MACROD2: variants seen among roughly 807,000 people sequenced by gnomAD.
The protein encoded by MACROD2 is ADP-ribose glycohydrolase MACROD2.
Under a neutral mutation model 70.4 loss-of-function variants are expected in MACROD2, and 36 were observed. The observed-to-expected ratio is 0.51, with a 90% CI of 0.39 to 0.68. The LOEUF (loss-of-function observed/expected upper bound fraction) is 0.68, where lower values mean the gene tolerates loss of function less well. Ranked by LOEUF, MACROD2 falls within the 30% of genes least tolerant of loss-of-function variation. The pLI is 0.00. For missense variants in MACROD2, 496 were observed against 538.4 expected (o/e 0.92, Z 0.78); for synonymous variants, 172 against 178.8 (o/e 0.96, Z 0.30).
chr20:14,332,838 A>C (rs2082869434), intron 3 of MACROD2, among the ~76,000 whole-genome samples: 1 of 152,122 alleles, frequency 6.6e-6, no homozygotes, highest in African/African-American at 2.4e-5. Context: ...GAGTATTAGG[A>C]AGGTAATTTA....
chr20:14,420,818 A>G (rs890532221), intron 3 of MACROD2, among the ~76,000 whole-genome samples: 2 of 152,082 alleles, frequency 1.3e-5, no homozygotes, highest in Admixed American at 1.3e-4. Context: ...CAGCCTCCCA[A>G]CTAGCTAGGA....
intron 5 of MACROD2, among the ~76,000 whole-genome samples, chr20:15,036,834 C>G (rs1440715777): frequency 6.6e-6 from 1 of 151,504 alleles, no homozygotes; most frequent in African/African-American, 2.4e-5. Flanking sequence ...CATCAAAAAC[C>G]CAAAGCGTCT....
intron 5 of MACROD2, among the ~76,000 whole-genome samples, chr20:15,133,435 GA>G (rs1375394103): frequency 6.6e-6 from 1 of 152,000 alleles, no homozygotes; most frequent in African/African-American, 2.4e-5. Flanking sequence ...GTCTCATACA[GA>G]AATAGAAGAA....
chr20:15,447,859 C>T (rs1184712640), intron 7 of MACROD2, among the ~76,000 whole-genome samples: 3 of 152,038 alleles, frequency 2.0e-5, no homozygotes, highest in Admixed American at 6.6e-5. Flanking sequence ...GAGATAGTGG[C>T]CCTGTCTCTC....
chr20:15,792,763 C>T (rs527511628), intron 8 of MACROD2, among the ~76,000 whole-genome samples: 2 of 152,218 alleles, frequency 1.3e-5, no homozygotes, highest in South Asian at 4.1e-4. Context: ...AGGTCATATG[C>T]GCAGAAGTCT....
chr20:15,322,451 A>T (rs2077883453), intron 6 of MACROD2, among the ~76,000 whole-genome samples: 1 of 144,016 alleles, frequency 6.9e-6, no homozygotes, highest in Non-Finnish European at 1.6e-5. Flanking sequence ...GCCTCAAAAT[A>T]AGACAAAATT....
intron 3 of MACROD2, among the ~76,000 whole-genome samples, chr20:14,336,473 G>A (rs1288742102): frequency 6.6e-6 from 1 of 151,952 alleles, no homozygotes; most frequent in Non-Finnish European, 1.5e-5. Flanking sequence ...AAAATTTTTT[G>A]AGAAGATACA....
intron 5 of MACROD2, among the ~76,000 whole-genome samples, chr20:14,978,657 G>C (rs998934819): frequency 7.2e-6 from 1 of 139,708 alleles, no homozygotes. Flanking sequence ...GAAGAAGGAG[G>C]AGACAATGAT....
intron 4 of MACROD2, among the ~76,000 whole-genome samples, chr20:14,534,114 A>C (rs1255984142): frequency 6.6e-6 from 1 of 152,212 alleles, no homozygotes; most frequent in Non-Finnish European, 1.5e-5. Context: ...TAAATTATTA[A>C]TTACACGTAT....
intron 3 of MACROD2, among the ~76,000 whole-genome samples, chr20:14,185,313 A>G (rs182109817): frequency 3.9e-5 from 6 of 152,288 alleles, no homozygotes; most frequent in Non-Finnish European, 7.4e-5. Context: ...ACTCTCAGAT[A>G]TTAAAATGCC....
intron 8 of MACROD2, among the ~76,000 whole-genome samples, chr20:15,771,446 G>A (rs554242952): frequency 5.1e-4 from 76 of 149,264 alleles, no homozygotes; most frequent in Admixed American, 3.8e-3. Context: ...GCCTTCCAAA[G>A]TGCTACGATT....
chr20:15,489,827 G>T (rs963046046), intron 7 of MACROD2, among the ~76,000 whole-genome samples: 1 of 152,088 alleles, frequency 6.6e-6, no homozygotes, highest in Admixed American at 6.6e-5. Context: ...GGGTATGGAG[G>T]GGGTGTGGGC....
chr20:15,358,910 C>G (rs1600289765), intron 6 of MACROD2, among the ~76,000 whole-genome samples: 1 of 152,108 alleles, frequency 6.6e-6, no homozygotes, highest in African/African-American at 2.4e-5. Flanking sequence ...CTCCAGTACT[C>G]TCCCACTGGG....
chr20:14,648,883 T>C (rs1301630700), intron 4 of MACROD2, among the ~76,000 whole-genome samples: 1 of 152,214 alleles, frequency 6.6e-6, no homozygotes, highest in African/African-American at 2.4e-5. Context: ...TAATCTGTTA[T>C]TCTTAGTGAT....
intron 5 of MACROD2, among the ~76,000 whole-genome samples, chr20:15,120,276 G>GTT (rs1244879316): frequency 6.0e-5 from 3 of 50,296 alleles, no homozygotes; most frequent in African/African-American, 5.3e-4. Flanking sequence ...GTGTGTGTGT[G>GTT]TGTGCATTCA....
At chr20:15,614,623 A>G (rs2049013327) in intron 8 of MACROD2, among the ~76,000 whole-genome samples, 1 of 152,292 alleles carries the variant, frequency 6.6e-6, no homozygotes, top group African/African-American at 2.4e-5. Context: ...TGCTCAGTAT[A>G]CCACATGCCC....
intron 5 of MACROD2, among the ~76,000 whole-genome samples, chr20:14,970,333 T>C (rs1024549730): frequency 2.6e-5 from 4 of 151,968 alleles, no homozygotes; most frequent in African/African-American, 9.7e-5. Flanking sequence ...GTTATTAGAT[T>C]CTAAAGTCAG....
At chr20:14,923,593 C>G (rs528932297) in intron 5 of MACROD2, among the ~76,000 whole-genome samples, 24 of 152,184 alleles carry the variant, frequency 1.6e-4, no homozygotes, top group African/African-American at 5.8e-4. Context: ...TATAAAGTCT[C>G]TTAGAGAAAA....
chr20:15,024,901 T>G (rs925287542), intron 5 of MACROD2, among the ~76,000 whole-genome samples: 7 of 152,180 alleles, frequency 4.6e-5, no homozygotes, highest in African/African-American at 1.4e-4. Flanking sequence ...GGTACCAACC[T>G]CCTCATAAAT....
Sources: gnomAD v4.1 joint callset for allele counts (sites outside exome capture counted in the v4.1 genomes callset) on GRCh38, gnomAD v4.1.1 for gene constraint, MANE v1.5 for transcripts, NCBI Gene and HGNC (gene_info 2026-07-23, HGNC 2026-07-21) for gene names.